Variants in LTA4H observed in about 807,000 individuals in gnomAD.
The protein encoded by LTA4H is leukotriene A4 hydrolase, also known as leukotriene A-4 hydrolase.
LTA4H carries 59 observed loss-of-function variants against 89.8 expected under a neutral mutation model. The ratio of observed to expected loss-of-function variants is 0.66; its 90% CI spans 0.53 to 0.82. LTA4H has a LOEUF of 0.82. Ranked by LOEUF, LTA4H falls within the 40% of genes least tolerant of loss-of-function variation. LTA4H has a pLI of 0.00. For synonymous variants in LTA4H, 227 were observed against 253.1 expected, an observed-to-expected ratio of 0.90 and a Z score of 0.98; for missense variants, 617 against 727.0, an observed-to-expected ratio of 0.85 and a Z score of 1.74.
At chr12:96,037,113 A>T (rs79061168), upstream of LTA4H, among the ~76,000 whole-genome samples, 15,724 of 152,250 alleles carry the variant, frequency 0.1, 1,060 homozygotes, top group East Asian at 0.3. Flanking sequence ...ACATATATTC[A>T]AACTAAATCA....
chr12:96,035,355 C>G lies in LTA4H; in HGVS notation c.159+6G>C. On this transcript the variant is annotated splice_donor_region_variant and intron_variant, in intron 1 of 18. Coordinates refer to ENST00000228740, the MANE Select transcript of LTA4H (RefSeq NM_000895.3). ...AGGCGGGCACTGGGCAGGCGCCCCA[C>G]TGTACCAGGCTGCGCAGATTGTCCT... The G allele has an allele frequency of 6.3e-7, 1 of 1,595,264 alleles. No homozygotes were observed. The highest frequency in any genetic ancestry group is 8.6e-7 in the Non-Finnish European group (1 of 1,168,162).
At position 96,018,764 on chromosome 12, in the gene LTA4H, A is replaced by G. The variant is rs1950415030; in HGVS notation, c.851T>C (p.Leu284Pro). The change falls in exon 8 of 19, where the codon CTG becomes CCG. Residue 284 changes from leucine to proline, a missense_variant and splice_region_variant. By Grantham distance (98) the Leu-to-Pro change is moderately conservative. Around this residue, in one of 3 missense-constraint regions of LTA4H, gnomAD observed 172 missense variants for 244.5 expected, o/e 0.70. Transcript: ENST00000228740. ...PCLTFVTPTLLAGDKSLSNVI... is the reference protein window; with the variant it reads ...PCLTFVTPTLPAGDKSLSNVI... ...AAATGAAGAAACATTTACACTTACC[A>G]GTAGAGTAGGAGTTACAAAAGTAAG... The G allele has an allele frequency of 1.3e-6, 2 of 1,563,790 alleles. No individual in the cohort carries two copies. Among genetic ancestry groups the G allele is most frequent in the Non-Finnish European group, 1.7e-6 (2 of 1,161,694 alleles).
intron 18 of LTA4H, among the ~76,000 whole-genome samples, chr12:96,001,336 A>G (rs1055325093): frequency 1.3e-5 from 2 of 152,184 alleles, no homozygotes; most frequent in African/African-American, 4.8e-5. Context: ...TCAGATGGGT[A>G]TGGTCCTGCC....
chr12:96,018,102 G>A (rs1462076489), intron 8 of LTA4H, among the ~76,000 whole-genome samples: 1 of 150,948 alleles, frequency 6.6e-6, no homozygotes, highest in South Asian at 2.1e-4. Context: ...TTTTTTAATT[G>A]TACCTACACA....
intron 1 of LTA4H, among the ~76,000 whole-genome samples, chr12:96,031,952 T>C (rs1327779508): frequency 6.6e-6 from 1 of 152,270 alleles, no homozygotes; most frequent in Non-Finnish European, 1.5e-5. Flanking sequence ...AAAATAGGTT[T>C]ATGTGTGAAA....
At chr12:96,043,301 A>G (rs1460505031) in exon 1 of LTA4H, 2 of 1,534,992 alleles carry the variant, frequency 1.3e-6, no homozygotes, top group Admixed American at 3.9e-5. Flanking sequence ...TTAAGGCTGC[A>G]AGAAGTCGAC....
intron 3 of LTA4H, among the ~76,000 whole-genome samples, chr12:96,026,275 A>T (rs1461115369): frequency 6.6e-6 from 1 of 152,264 alleles, no homozygotes; most frequent in Non-Finnish European, 1.5e-5. Flanking sequence ...ATATGCATAC[A>T]GAACAACCGT....
At chr12:96,006,275 T>G in intron 16 of LTA4H, 39 bp downstream of exon 16, 1 of 1,315,748 alleles carries the variant, frequency 7.6e-7, no homozygotes, top group Non-Finnish European at 1.1e-6. Context: ...TGTGCCTTTC[T>G]GTCCATTTTA....
chr12:96,015,003 C>T lies in LTA4H; in HGVS notation c.1060-4G>A, dbSNP rs11108375. On this transcript the variant is annotated splice_region_variant and splice_polypyrimidine_tract_variant and intron_variant, in intron 11 of 18. Transcript: ENST00000228740. ...GTGTCTCCCCAAATGTCTTTACCTG[C>T]AAGACATGAAATAACATGGAGAAAC... is the stretch of plus-strand genomic sequence containing the variant. The T allele has an allele frequency of 0.051, 81,832 of 1,605,562 alleles. 2,400 individuals are homozygous for T. The highest frequency in any genetic ancestry group is 0.1 in the African/African-American group (7,522 of 74,498).
At chr12:96,043,284 C>T in intron 1 of LTA4H, 1 of 1,532,144 alleles carries the variant, frequency 6.5e-7, no homozygotes, top group Non-Finnish European at 8.7e-7. Flanking sequence ...GAGCTTGGAA[C>T]TTACCTTTAA....
upstream of LTA4H, among the ~76,000 whole-genome samples, chr12:96,037,181 T>A (rs1231277870): frequency 6.6e-6 from 1 of 152,156 alleles, no homozygotes. Context: ...TTTGAGAACC[T>A]ATGGGAGTGG....
chr12:96,002,619 T>G (rs1482023038), intron 18 of LTA4H, among the ~76,000 whole-genome samples: 1 of 152,210 alleles, frequency 6.6e-6, no homozygotes, highest in Non-Finnish European at 1.5e-5. Context: ...CTCCTTACAT[T>G]TAACTTCAGA....
In LTA4H at chr12:96,035,398, A is replaced by T. The variant is rs752473570; in HGVS notation, c.122T>A (p.Leu41His). 3.1e-6 allele frequency: 5 copies of T among 1,611,686 alleles called. No individual in the cohort carries two copies. Among genetic ancestry groups the T allele is most frequent in the Non-Finnish European group, 3.4e-6 (4 of 1,179,082 alleles). The change falls in exon 1 of 19, where the codon CTC (leucine) becomes CAC (histidine). Residue 41 changes from leucine (L) to histidine (H), a missense_variant. Leu to His is a moderately conservative substitution (Grantham distance 99). Coordinates refer to ENST00000228740, the MANE Select transcript of LTA4H (RefSeq NM_000895.3). The stretch of plus-strand genomic sequence containing the variant: ...ATTGTCCTCCTGAGACTGGACCGTG[A>T]GAGCAGCAGTCCCGGTCAGCGTCCG... ...TRRTLTGTAALTVQSQEDNLR... is the reference protein window; with the variant it reads ...TRRTLTGTAAHTVQSQEDNLR...
At chr12:96,020,835 A>G (rs908982946) in intron 6 of LTA4H, 3 of 386,726 alleles carry the variant, frequency 7.8e-6, no homozygotes, top group South Asian at 3.2e-5. Context: ...TCAAGCTTAC[A>G]TGAGAATCCA....
At chr12:96,020,743 G>T in intron 6 of LTA4H, 1 of 178,386 alleles carries the variant, frequency 5.6e-6, no homozygotes, top group Non-Finnish European at 1.2e-5. Flanking sequence ...TATCTCATTT[G>T]TTTCACATAA....
chr12:96,018,654 A>G, intron 8 of LTA4H, 109 bp downstream of exon 8: 1 of 619,550 alleles, frequency 1.6e-6, no homozygotes, highest in Non-Finnish European at 2.5e-6. Flanking sequence ...TATATACATT[A>G]TTAGGACTCT....
chr12:96,039,353 T>C (rs1950671527), upstream of LTA4H, among the ~76,000 whole-genome samples: 1 of 152,214 alleles, frequency 6.6e-6, no homozygotes, highest in South Asian at 2.1e-4. Flanking sequence ...TAGAGCCATA[T>C]GAACAGGAAG....
At chr12:96,016,752 T>A (rs1050965177) in intron 10 of LTA4H, among the ~76,000 whole-genome samples, 3 of 151,786 alleles carry the variant, frequency 2.0e-5, no homozygotes, top group African/African-American at 7.3e-5. Flanking sequence ...ATACAAAAAA[T>A]TAGCTGGGCG....
At chr12:96,020,678 A>G (rs964022868) in intron 6 of LTA4H, 1 of 164,014 alleles carries the variant, frequency 6.1e-6, no homozygotes, top group Non-Finnish European at 1.3e-5. Context: ...AAATATTGAT[A>G]AAATATCTTA....
Sources: allele counts gnomAD v4.1 joint callset (sites outside exome capture counted in the v4.1 genomes callset), GRCh38; gene constraint gnomAD v4.1.1; regional missense constraint gnomAD v4.1.1; transcripts MANE v1.5; gene names NCBI Gene and HGNC (gene_info 2026-07-23, HGNC 2026-07-21).